The following NAV2 variants were observed in gnomAD, a reference collection of about 807,000 sequenced individuals.
NAV2 encodes helicase, APC down-regulated 1.
NAV2 carries 54 observed loss-of-function variants against 223.2 expected under a neutral mutation model. The observed-to-expected ratio is 0.24, with a 90% CI of 0.19 to 0.30. NAV2 has a LOEUF of 0.30. NAV2 is among the 10% of genes least tolerant of loss of function. The pLI is 1.00. For missense variants in NAV2, 2,806 were observed against 3,147.5 expected, an observed-to-expected ratio of 0.89 and a Z score of 2.60; for synonymous variants, 1,279 against 1,239.3, an observed-to-expected ratio of 1.03 and a Z score of -0.67.
chr11:20,081,578 G>T (rs1391583928), intron 25 of NAV2, among the ~76,000 whole-genome samples: 1 of 152,156 alleles, frequency 6.6e-6, no homozygotes, highest in African/African-American at 2.4e-5. Flanking sequence ...GATTTCAGGT[G>T]ATGGCTTGTG....
chr11:19,857,401 G>A lies in NAV2; in HGVS notation c.439-11524G>A, dbSNP rs373038265. Among the ~76,000 whole-genome samples, 6 of 152,332 alleles carry A rather than the reference G, an allele frequency of 3.9e-5. No homozygotes were observed. In the South Asian group the frequency reaches 8.3e-4, roughly 21 times the overall value. ...TAATATATTTGTGACTGTATGTTTA[G>A]TGGAGTGATTGTTTACTTAAAGTCA... On this transcript the variant is annotated intron_variant, in intron 3 of 37. Coordinates refer to ENST00000349880, the MANE Select transcript of NAV2 (RefSeq NM_145117.5).
intron 1 of NAV2, among the ~76,000 whole-genome samples, chr11:19,507,646 G>T (rs1289240838): frequency 2.0e-5 from 3 of 152,178 alleles, no homozygotes; most frequent in Non-Finnish European, 4.4e-5. Context: ...GAAATGCTTA[G>T]CTCAGTTTCT....
intron 8 of NAV2, 96 bp downstream of exon 8, chr11:19,939,869 G>A: frequency 1.4e-6 from 1 of 733,858 alleles, no homozygotes; most frequent in Non-Finnish European, 2.2e-6. Flanking sequence ...ATTACGAGTT[G>A]CATTATGTTT....
At chr11:19,876,328 A>G (rs563729692) in intron 4 of NAV2, among the ~76,000 whole-genome samples, 1 of 152,198 alleles carries the variant, frequency 6.6e-6, no homozygotes, top group Admixed American at 6.5e-5. Context: ...GCCCGGCCTC[A>G]TTTTCTCATT....
Position 19,634,064 on chromosome 11 carries a change from C to A in NAV2, c.76-198420C>A, listed in dbSNP as rs75871504. ...GCCAAGGCTTCCAAACTTTTTCTTG[C>A]CCCTCTCACCTGTGTCCACAACATG... is the stretch of plus-strand genomic sequence containing the variant. On this transcript the variant is annotated intron_variant, in intron 1 of 37. Transcript: ENST00000360655. Among the ~76,000 whole-genome samples, 692 of 152,328 alleles carry A rather than the reference C, an allele frequency of 4.5e-3. 5 individuals carry two copies. The highest frequency in any genetic ancestry group is 0.016 in the African/African-American group (661 of 41,570).
chr11:19,832,774 A>G (rs900679982), intron 2 of NAV2, among the ~76,000 whole-genome samples, 173 bp downstream of exon 2: 1 of 152,168 alleles, frequency 6.6e-6, no homozygotes, highest in Admixed American at 6.5e-5. Context: ...GCTTGATTTT[A>G]TGCTTTTCCT....
rs562882082 is a variant in NAV2, at chr11:19,801,064, C to A, written c.268-31420C>A. ...TTAGGGAGGTTTTGTATTTTAACCC[C>A]CGAAGTAACCTTATAGTTTATTTTT... is the stretch of plus-strand genomic sequence containing the variant. On this transcript the variant is annotated intron_variant, in intron 1 of 37. Coordinates refer to ENST00000349880, the MANE Select transcript of NAV2 (RefSeq NM_145117.5). Among the ~76,000 whole-genome samples the A allele has an allele frequency of 3.3e-5, 5 of 152,312 alleles. No individual in the cohort carries two copies. The East Asian group carries it at 9.6e-4, about 29-fold the overall frequency.
At chr11:20,035,896 T>G in intron 11 of NAV2, 63 bp from the exon 12 acceptor site, 5 of 1,600,902 alleles carry the variant, frequency 3.1e-6, no homozygotes, top group Non-Finnish European at 4.3e-6. Flanking sequence ...TCTGTCTGTG[T>G]CATCAGCCTG....
chr11:19,544,149 G>A (rs1301965597), intron 1 of NAV2, among the ~76,000 whole-genome samples: 1 of 152,202 alleles, frequency 6.6e-6, no homozygotes, highest in African/African-American at 2.4e-5. Flanking sequence ...TTGAGTGTAT[G>A]AATGAATATT....
chr11:19,972,897 A>G (rs1482474370), intron 10 of NAV2, among the ~76,000 whole-genome samples: 2 of 152,130 alleles, frequency 1.3e-5, no homozygotes, highest in Non-Finnish European at 2.9e-5. Flanking sequence ...CACCTTAAAC[A>G]TAGGCCTCCT....
intron 11 of NAV2, among the ~76,000 whole-genome samples, chr11:20,012,785 T>A (rs1180981855): frequency 2.0e-5 from 3 of 151,184 alleles, no homozygotes; most frequent in Non-Finnish European, 2.9e-5. Context: ...GTCAAGAAAA[T>A]CATCCCCAAT....
chr11:19,397,181 A>G (rs1254341679), intron 1 of NAV2, among the ~76,000 whole-genome samples: 1 of 152,176 alleles, frequency 6.6e-6, no homozygotes, highest in Non-Finnish European at 1.5e-5. Flanking sequence ...AAAAAGAGGG[A>G]ACTGATGTGT....
chr11:19,717,661 A>T (rs904758603), intron 1 of NAV2, among the ~76,000 whole-genome samples: 1 of 152,200 alleles, frequency 6.6e-6, no homozygotes, highest in East Asian at 1.9e-4. Flanking sequence ...TTGGATTTGC[A>T]TGTTGGCTTC....
chr11:19,796,864 T>C (rs984215395), intron 1 of NAV2, among the ~76,000 whole-genome samples: 10 of 152,218 alleles, frequency 6.6e-5, no homozygotes, highest in Admixed American at 6.5e-4. Flanking sequence ...TTGCACGCTT[T>C]CTCTGATTAG....
At chr11:20,043,722 G>A (rs182187697) in intron 12 of NAV2, 6 of 405,516 alleles carry the variant, frequency 1.5e-5, no homozygotes, top group African/African-American at 2.0e-5. Flanking sequence ...GATTATAGGC[G>A]TGAGCCACTG....
At chr11:19,850,296 C>T (rs1397343212) in intron 3 of NAV2, among the ~76,000 whole-genome samples, 1 of 152,174 alleles carries the variant, frequency 6.6e-6, no homozygotes, top group Non-Finnish European at 1.5e-5. Context: ...CTGCTTTTAA[C>T]ATAATACACT....
chr11:19,986,550 G>A (rs2153457411), intron 11 of NAV2, among the ~76,000 whole-genome samples: 1 of 152,254 alleles, frequency 6.6e-6, no homozygotes, highest in South Asian at 2.1e-4. Flanking sequence ...AACCCGGGAG[G>A]CAGAGGTTGC....
At chr11:19,477,102 G>T (rs2729883) in intron 1 of NAV2, among the ~76,000 whole-genome samples, 82,237 of 151,950 alleles carry the variant, frequency 0.54, 22,243 homozygotes, top group Admixed American at 0.58. Context: ...TGGGTCAAGC[G>T]AAATGATTTT....
At chr11:19,559,703 T>C (rs1183632726) in intron 1 of NAV2, among the ~76,000 whole-genome samples, 1 of 152,196 alleles carries the variant, frequency 6.6e-6, no homozygotes, top group East Asian at 1.9e-4. Context: ...TGAATGTTAA[T>C]GACAAGCCAT....
Sources: allele counts gnomAD v4.1 joint callset (sites outside exome capture counted in the v4.1 genomes callset), GRCh38; gene constraint gnomAD v4.1.1; transcripts MANE v1.5; gene names NCBI Gene and HGNC (gene_info 2026-07-23, HGNC 2026-07-21).